The following FBXO10 variants were observed in gnomAD, a reference collection of about 807,000 sequenced individuals.
The protein encoded by FBXO10 is F-box protein 10.
A neutral mutation model predicts 80.7 loss-of-function variants in FBXO10; 39 were observed. The ratio of observed to expected loss-of-function variants is 0.48; its 90% CI spans 0.37 to 0.63. The LOEUF is 0.63. Among genes scored for constraint, FBXO10 ranks in the 30% least tolerant of loss-of-function variants. The pLI is 0.00. For missense variants in FBXO10, 1,025 were observed against 1,269.0 expected (o/e 0.81, Z 2.92); for synonymous variants, 449 against 489.6 (o/e 0.92, Z 1.09).
At chr9:37,566,927 G>C (rs1265477819) in intron 1 of FBXO10, among the ~76,000 whole-genome samples, 1 of 152,096 alleles carries the variant, frequency 6.6e-6, no homozygotes, top group Non-Finnish European at 1.5e-5. Flanking sequence ...TTTCTGAGTG[G>C]GCTTGGAGCC....
At chr9:37,540,321 G>A (rs1327233809) in intron 2 of FBXO10, among the ~76,000 whole-genome samples, 1 of 151,914 alleles carries the variant, frequency 6.6e-6, no homozygotes, top group Non-Finnish European at 1.5e-5. Flanking sequence ...CCGAGTAGCT[G>A]GGATTACAGG....
chr9:37,566,814 C>T (rs906309386), intron 1 of FBXO10, among the ~76,000 whole-genome samples: 8 of 152,320 alleles, frequency 5.3e-5, no homozygotes, highest in African/African-American at 1.9e-4. Flanking sequence ...TTCATCATTT[C>T]TTCAAACCGT....
At position 37,557,449 on chromosome 9, in the gene FBXO10, C is replaced by G. The variant is rs1401378803; in HGVS notation, c.-6-15675G>C. ...CAAAGTCATTCTCATGAGGAAGGAG[C>G]TCTGCCAGGACCTGAGTGGGGTAGA... On this transcript the variant is annotated intron_variant, in intron 1 of 10. Coordinates refer to ENST00000432825, the MANE Select transcript of FBXO10 (RefSeq NM_012166.3). 2.0e-5 allele frequency among the ~76,000 whole-genome samples: 3 copies of G among 152,206 alleles called. No homozygotes were observed. The East Asian group carries it at 5.8e-4, about 29-fold the overall frequency.
At chr9:37,534,647 TG>T (rs1417062291) in intron 3 of FBXO10, among the ~76,000 whole-genome samples, 1 of 152,138 alleles carries the variant, frequency 6.6e-6, no homozygotes, top group African/African-American at 2.4e-5. Flanking sequence ...CACTTCTCTG[TG>T]GCCTTCACTA....
chr9:37,574,617 G>A (rs1281034984), intron 1 of FBXO10, among the ~76,000 whole-genome samples: 2 of 152,148 alleles, frequency 1.3e-5, no homozygotes, highest in Admixed American at 1.3e-4. Flanking sequence ...CTCCAGCAAG[G>A]GCTCTGGAAC....
At chr9:37,543,431 G>A (rs1198556880) in intron 1 of FBXO10, among the ~76,000 whole-genome samples, 1 of 152,120 alleles carries the variant, frequency 6.6e-6, no homozygotes, top group African/African-American at 2.4e-5. Flanking sequence ...GGGAATGAGT[G>A]GCCCCTTTTC....
intron 6 of FBXO10, among the ~76,000 whole-genome samples, chr9:37,523,441 C>T (rs888635152): frequency 2.4e-4 from 36 of 152,044 alleles, no homozygotes; most frequent in African/African-American, 8.0e-4. Context: ...GTAGTCCCAG[C>T]TTCTTGGGAG....
At chr9:37,528,182 C>T (rs1473809507) in intron 5 of FBXO10, among the ~76,000 whole-genome samples, 4 of 152,142 alleles carry the variant, frequency 2.6e-5, no homozygotes, top group East Asian at 1.9e-4. Context: ...AGAATAGGCT[C>T]CCCCGCCTCA....
rs117160710 is a variant in FBXO10 at position 37,531,835 on chromosome 9, G to C, written c.1569+74C>G. The stretch of plus-strand genomic sequence containing the variant: ...AAGCACGTAAATACAAGAGGGCAAC[G>C]TGTATTTAAATATCCTCACAAATGG... On this transcript the variant is annotated intron_variant, in intron 4 of 10. Transcript: ENST00000432825. The C allele has an allele frequency of 2.1e-3, 3,200 of 1,541,970 alleles. 8 individuals carry two copies. The highest frequency in any genetic ancestry group is 4.7e-3 in the Admixed American group (279 of 58,850).
chr9:37,519,686 A>T (rs745932196), intron 8 of FBXO10, among the ~76,000 whole-genome samples: 15 of 152,220 alleles, frequency 9.9e-5, no homozygotes, highest in Non-Finnish European at 2.2e-4. Flanking sequence ...GCATGGCCAC[A>T]TGGAGGAACC....
intron 10 of FBXO10, 130 bp downstream of exon 10, chr9:37,515,774 C>T: frequency 1.0e-6 from 1 of 967,310 alleles, no homozygotes; most frequent in Non-Finnish European, 1.6e-6. Context: ...AGGCCTTTTT[C>T]TGACTGGAGT....
intron 3 of FBXO10, among the ~76,000 whole-genome samples, chr9:37,536,705 C>T (rs1174357417): frequency 6.6e-6 from 1 of 152,184 alleles, no homozygotes; most frequent in Middle Eastern, 3.2e-3. Context: ...TTGTACCCAG[C>T]ACAGACGTTT....
At chr9:37,534,769 C>T (rs971387742) in intron 3 of FBXO10, among the ~76,000 whole-genome samples, 6 of 152,110 alleles carry the variant, frequency 3.9e-5, no homozygotes, top group African/African-American at 1.2e-4. Context: ...TGTGTTCTTT[C>T]CCCCTAACTC....
chr9:37,547,041 T>C (rs1822075296), intron 1 of FBXO10, among the ~76,000 whole-genome samples: 1 of 152,282 alleles, frequency 6.6e-6, no homozygotes, highest in South Asian at 2.1e-4. Flanking sequence ...ACCTATCCTA[T>C]GACCCAGGAA....
At position 37,522,818 on chromosome 9, in the gene FBXO10, TCCTC is replaced by T; in HGVS notation, c.1930+3_1930+6del. The stretch of plus-strand genomic sequence containing the variant: ...CTCCCCGGCTGGGTTGGGAACAAGC[TCCTC>T]ACCGTAGATGGTATTTCCTTCTATG... On this transcript the variant is annotated splice_donor_5th_base_variant and intron_variant, in intron 7 of 10. Coordinates refer to ENST00000432825, the MANE Select transcript of FBXO10 (RefSeq NM_012166.3). 6.4e-7 allele frequency: 1 copy of T among 1,551,618 alleles called. No individual in the cohort carries two copies. The highest frequency in any genetic ancestry group is 1.2e-5 in the South Asian group (1 of 84,008).
intron 1 of FBXO10, among the ~76,000 whole-genome samples, chr9:37,564,370 CAG>C (rs1822555143): frequency 6.6e-6 from 1 of 152,150 alleles, no homozygotes; most frequent in Non-Finnish European, 1.5e-5. Flanking sequence ...GGCCCCCACA[CAG>C]AGTCTCCACG....
chr9:37,515,980 T>C lies in FBXO10; in HGVS notation c.2620A>G (p.Lys874Glu). The change falls in exon 10 of 11, where the codon AAG (lysine) becomes GAG (glutamate). Residue 874 changes from lysine to glutamate, a missense_variant. Lys to Glu is a moderately conservative substitution (Grantham distance 56). Transcript: ENST00000432825. ...TTTGAGATCTGCTGAAAGATGGTCT[T>C]ACTGGTTTTGCCCTGGAAGATGATG... ...ENIIFQGKTS[K>E]TIFQQISNNR... 1 of 1,614,068 alleles carries C rather than the reference T, an allele frequency of 6.2e-7. No homozygotes were observed. Among genetic ancestry groups the C allele is most frequent in the Non-Finnish European group, 8.5e-7 (1 of 1,179,894 alleles).
intron 1 of FBXO10, among the ~76,000 whole-genome samples, chr9:37,557,643 T>C (rs1342491451): frequency 3.3e-5 from 5 of 152,350 alleles, no homozygotes; most frequent in African/African-American, 1.2e-4. Flanking sequence ...CTAGCTGGCC[T>C]TGACCGTTCA....
In FBXO10 at chr9:37,537,425, G is replaced by C. The variant is rs1403114223; in HGVS notation, c.1104C>G (p.Asp368Glu). 5.0e-6 allele frequency: 8 copies of C among 1,600,412 alleles called. No individual in the cohort carries two copies. The Admixed American group carries it at 1.4e-4, about 28-fold the overall frequency. The change falls in exon 3 of 11, where the codon GAC becomes GAG. Residue 368 changes from aspartate to glutamate, a missense_variant. Asp to Glu is a conservative substitution (Grantham distance 45). Around this residue, in one of 3 missense-constraint regions of FBXO10, gnomAD observed 450 missense variants for 499.4 expected, o/e 0.90. Coordinates refer to ENST00000432825, the MANE Select transcript of FBXO10 (RefSeq NM_012166.3). ...GGTAGGATAGTCTGTACATCAGCTG[G>C]TCCTCATCTTCATCCTCACCGCTGG... ...LSPSGEDEDE[D>E]QLMYRLSYQV...
Sources: gnomAD v4.1 joint callset for allele counts (sites outside exome capture counted in the v4.1 genomes callset) on GRCh38, gnomAD v4.1.1 for gene constraint, gnomAD v4.1.1 regional missense constraint, MANE v1.5 for transcripts, NCBI Gene and HGNC (gene_info 2026-07-23, HGNC 2026-07-21) for gene names.